The following RCOR1 variants were observed in gnomAD, a reference collection of about 807,000 sequenced individuals.
RCOR1 encodes the protein REST corepressor 1, also known as REST corepressor.
Under a neutral mutation model 64.0 loss-of-function variants are expected in RCOR1, and 12 were observed. The observed-to-expected ratio is 0.19, with a 90% CI of 0.12 to 0.30. RCOR1 has a LOEUF of 0.30. RCOR1 is among the 10% of genes least tolerant of loss of function. The pLI is 1.00. For synonymous variants in RCOR1, 279 were observed against 227.2 expected (o/e 1.23, Z -2.05); for missense variants, 502 against 621.2 (o/e 0.81, Z 2.04).
At chr14:102,648,193 C>T (rs781084448) in intron 2 of RCOR1, among the ~76,000 whole-genome samples, 11 of 152,184 alleles carry the variant, frequency 7.2e-5, no homozygotes, top group Non-Finnish European at 1.5e-4. Context: ...ATTCTCCTGC[C>T]TCAGCCTTTG....
intron 3 of RCOR1, among the ~76,000 whole-genome samples, chr14:102,684,624 G>C (rs2139963603): frequency 6.6e-6 from 1 of 152,192 alleles, no homozygotes; most frequent in South Asian, 2.1e-4. Flanking sequence ...ACATATTGTT[G>C]AAAGTTCATA....
At chr14:102,636,905 A>T (rs1894251837) in intron 2 of RCOR1, among the ~76,000 whole-genome samples, 1 of 151,824 alleles carries the variant, frequency 6.6e-6, no homozygotes, top group Non-Finnish European at 1.5e-5. Context: ...CGGGAGGTGG[A>T]GGTTGCAGTG....
At chr14:102,704,506 A>C (rs1895810329) in intron 4 of RCOR1, among the ~76,000 whole-genome samples, 1 of 152,226 alleles carries the variant, frequency 6.6e-6, no homozygotes, top group Non-Finnish European at 1.5e-5. Flanking sequence ...ATCTCAGCTC[A>C]CTACAACCTC....
intron 2 of RCOR1, among the ~76,000 whole-genome samples, chr14:102,639,548 T>G (rs866010582): frequency 7.4e-6 from 1 of 134,952 alleles, no homozygotes; most frequent in Non-Finnish European, 1.6e-5. Flanking sequence ...TTTATTTATT[T>G]ATTGAGATGG....
intron 8 of RCOR1, among the ~76,000 whole-genome samples, chr14:102,720,496 C>A (rs1286396295): frequency 6.6e-6 from 1 of 152,192 alleles, no homozygotes; most frequent in East Asian, 1.9e-4. Context: ...TTCCTCGCCC[C>A]CCCATCATTA....
chr14:102,632,106 A>C (rs1272043098), intron 2 of RCOR1, among the ~76,000 whole-genome samples: 2 of 148,726 alleles, frequency 1.3e-5, no homozygotes, highest in African/African-American at 5.0e-5. Flanking sequence ...CACCGTGCCG[A>C]GCCACCATCA....
At chr14:102,718,588 G>A (rs1896113974) in intron 8 of RCOR1, among the ~76,000 whole-genome samples, 1 of 152,094 alleles carries the variant, frequency 6.6e-6, no homozygotes, top group Admixed American at 6.6e-5. Flanking sequence ...AGGGTTGGGT[G>A]GGAGGGTGGT....
intron 3 of RCOR1, among the ~76,000 whole-genome samples, chr14:102,696,875 C>CTT (rs1160783019): frequency 2.6e-5 from 2 of 77,304 alleles, no homozygotes; most frequent in East Asian, 3.8e-4. Flanking sequence ...GGGTTGAAAG[C>CTT]TTTTTTTTTT....
At chr14:102,615,053 G>A (rs1402769991) in intron 2 of RCOR1, among the ~76,000 whole-genome samples, 3 of 151,896 alleles carry the variant, frequency 2.0e-5, no homozygotes, top group Non-Finnish European at 4.4e-5. Context: ...GGATGGTCTC[G>A]ATCTCTTGAC....
intron 2 of RCOR1, among the ~76,000 whole-genome samples, chr14:102,678,938 A>G (rs1238518657): frequency 6.6e-6 from 1 of 152,278 alleles, no homozygotes; most frequent in African/African-American, 2.4e-5. Context: ...TGGCGAAGTG[A>G]CTGTTCAAAT....
At chr14:102,630,712 T>C (rs1030727228) in intron 2 of RCOR1, among the ~76,000 whole-genome samples, 9 of 152,122 alleles carry the variant, frequency 5.9e-5, no homozygotes, top group African/African-American at 2.2e-4. Context: ...CTTTTCTGGT[T>C]CAAGTTATTT....
chr14:102,706,142 A>AAAAAAAAAAC (rs1281591870), intron 4 of RCOR1, among the ~76,000 whole-genome samples: 1 of 138,644 alleles, frequency 7.2e-6, no homozygotes, highest in African/African-American at 2.7e-5. Flanking sequence ...AAAAAAAAAA[A>AAAAAAAAAAC]CCTAAAAAAA....
chr14:102,658,534 A>G, intron 2 of RCOR1: 1 of 985,226 alleles, frequency 1.0e-6, no homozygotes, highest in Non-Finnish European at 1.2e-6. Flanking sequence ...GAATTATGGA[A>G]AGTTTTTAGA....
At chr14:102,724,175 T>C (rs1896219026) in intron 11 of RCOR1, among the ~76,000 whole-genome samples, 1 of 152,174 alleles carries the variant, frequency 6.6e-6, no homozygotes, top group African/African-American at 2.4e-5. Flanking sequence ...TCCTTGGTGA[T>C]TGATCTTCCA....
rs115904076 is a variant in RCOR1 at position 102,664,282 on chromosome 14, T to G, written c.362-17613T>G. Among the ~76,000 whole-genome samples the G allele has an allele frequency of 9.4e-3, 1,427 of 152,064 alleles. 23 individuals carry two copies. Among genetic ancestry groups the G allele is most frequent in the African/African-American group, 0.033 (1,351 of 41,450 alleles). On this transcript the variant is annotated intron_variant, in intron 2 of 11. Coordinates refer to ENST00000262241, the MANE Select transcript of RCOR1 (RefSeq NM_015156.4). ...CACCACGCCCAGCTGGGTTTGGTTT[T>G]TTTTGCATTTTTAGTAGAGCCAGGT...
At chr14:102,657,812 T>C in intron 2 of RCOR1, 3 of 899,946 alleles carry the variant, frequency 3.3e-6, no homozygotes, top group Non-Finnish European at 3.9e-6. Context: ...CACTCCAGCC[T>C]GGGCGACAGA....
intron 11 of RCOR1, 54 bp from the exon 12 acceptor site, chr14:102,726,414 T>G: frequency 1.3e-6 from 2 of 1,498,618 alleles, no homozygotes; most frequent in South Asian, 1.2e-5. Context: ...TAGCAGCTTG[T>G]GTTGTTTACC....
chr14:102,593,459 A>AG, intron 2 of RCOR1, 134 bp downstream of exon 2: 2 of 974,862 alleles, frequency 2.1e-6, no homozygotes, highest in Non-Finnish European at 2.8e-6. Context: ...GGAGAACAGC[A>AG]GGGCGAGGAC....
intron 2 of RCOR1, among the ~76,000 whole-genome samples, chr14:102,656,782 C>CT (rs540519475): frequency 8.0e-4 from 116 of 144,426 alleles, no homozygotes; most frequent in Middle Eastern, 3.6e-3. Context: ...CTTTTCTTTT[C>CT]TTTTTTTTTT....
Sources: allele counts gnomAD v4.1 joint callset (sites outside exome capture counted in the v4.1 genomes callset), GRCh38; gene constraint gnomAD v4.1.1; transcripts MANE v1.5; gene names NCBI Gene and HGNC (gene_info 2026-07-23, HGNC 2026-07-21).